The following IQUB variants were observed in gnomAD, a reference collection of about 807,000 sequenced individuals.
The protein encoded by IQUB is IQ motif and ubiquitin-like domain-containing protein.
IQUB carries 86 observed loss-of-function variants against 86.4 expected under a neutral mutation model. That is an observed-to-expected ratio of 1.00 (90% CI 0.84 to 1.19). The LOEUF (loss-of-function observed/expected upper bound fraction) is 1.19, where lower values mean the gene tolerates loss of function less well. Ranked by LOEUF, IQUB falls within the 50% of genes most tolerant of loss-of-function variation. IQUB has a pLI of 0.00. For missense variants in IQUB, 946 were observed against 916.9 expected, an observed-to-expected ratio of 1.03 and a Z score of -0.41; for synonymous variants, 289 against 304.5, an observed-to-expected ratio of 0.95 and a Z score of 0.53.
rs1386649495 is a variant in IQUB at position 123,479,933 on chromosome 7, A to C, written c.1272T>G (p.Ser424=). 1.9e-6 allele frequency: 3 copies of C among 1,612,858 alleles called. No homozygotes were observed. In the South Asian group the frequency reaches 3.3e-5, roughly 18 times the overall value. The change falls in exon 8 of 13, where the codon TCT becomes TCG. Residue 424 remains serine (S), a synonymous_variant. Coordinates refer to ENST00000324698, the MANE Select transcript of IQUB (RefSeq NM_178827.5). ...CAGCTTTCCTTTCAGCTCCAGTAAA[A>C]GATTGGTTAATACGTGTAAGTTCTT... ...RQEELTRINQ[S]FTGAERKAAL...
chr7:123,501,557 T>A (rs573207032), intron 6 of IQUB: 2 of 152,318 alleles, frequency 1.3e-5, no homozygotes, highest in East Asian at 1.9e-4. Context: ...CTGTCTGAAA[T>A]TAGATCAGTA....
chr7:123,500,193 C>T lies in IQUB; in HGVS notation c.1023+2404G>A, dbSNP rs545828295. 1.1e-4 allele frequency among the ~76,000 whole-genome samples: 16 copies of T among 152,288 alleles called. No homozygotes were observed. In the South Asian group the frequency reaches 3.3e-3, roughly 32 times the overall value. ...TCTGTGGAGTAGCCATTCTTTTGTT[C>T]CTTTACTTTCTTAATAAACTTGCTT... On this transcript the variant is annotated intron_variant, in intron 6 of 12. Coordinates refer to ENST00000324698, the MANE Select transcript of IQUB (RefSeq NM_178827.5).
At chr7:123,457,282 G>A in intron 12 of IQUB, 99 bp downstream of exon 12, 1 of 1,469,984 alleles carries the variant, frequency 6.8e-7, no homozygotes, top group East Asian at 2.5e-5. Flanking sequence ...TTAATCTGAT[G>A]GAAGTATTTA....
chr7:123,469,454 A>G lies in IQUB; in HGVS notation c.1411-70T>C, dbSNP rs182319328. On this transcript the variant is annotated intron_variant, in intron 8 of 12. Coordinates refer to ENST00000324698, the MANE Select transcript of IQUB (RefSeq NM_178827.5). ...TACGTATAACAATTTTGCTCCTTCT[A>G]CTAAAAGTCTACCTTAATATCATGT... is the stretch of plus-strand genomic sequence containing the variant. 742 of 824,322 alleles carry G rather than the reference A, an allele frequency of 9.0e-4. 4 individuals are homozygous for G. Among genetic ancestry groups the G allele is most frequent in the Middle Eastern group, 2.3e-3 (6 of 2,586 alleles). The allele number at this position is 824,322 out of a possible 1,614,324, so 51.1% of individuals were successfully genotyped here.
At chr7:123,495,787 C>T (rs528600984) in intron 7 of IQUB, among the ~76,000 whole-genome samples, 1 of 152,212 alleles carries the variant, frequency 6.6e-6, no homozygotes, top group South Asian at 2.1e-4. Flanking sequence ...TTCATTCATT[C>T]ATTCATTCAT....
In IQUB at chr7:123,518,406, C is replaced by T. The variant is rs565058620; in HGVS notation, c.-4-6062G>A. Among the ~76,000 whole-genome samples the T allele has an allele frequency of 3.9e-5, 6 of 152,222 alleles. No individual in the cohort carries two copies. In the East Asian group the frequency reaches 1.2e-3, roughly 29 times the overall value. Reference sequence around the variant, plus strand: ...TCATGCCATGCCCCTCTCATACTTGCTTAAATACCTCTAAAATAAAATGCT... The same window carrying T: ...TCATGCCATGCCCCTCTCATACTTGTTTAAATACCTCTAAAATAAAATGCT... On this transcript the variant is annotated intron_variant, in intron 1 of 12. Transcript: ENST00000324698.
Position 123,512,287 on chromosome 7 carries a change from T to C in IQUB, c.54A>G (p.Glu18=). 1 of 1,608,676 alleles carries C rather than the reference T, an allele frequency of 6.2e-7. No individual in the cohort carries two copies. Among genetic ancestry groups the C allele is most frequent in the Non-Finnish European group, 8.5e-7 (1 of 1,175,580 alleles). ...CAGTATCAAAAGCATCATCACTCTC[T>C]TCTGTTGAATTGACTATATTCTGAG... The part of the protein sequence containing the change: ...YEAQNIVNST[E]ESDDAFDTVT... Residue 18 remains glutamate (E), a synonymous_variant, in exon 2 of 13, where the codon GAA becomes GAG. Transcript: ENST00000324698.
chr7:123,469,737 T>G (rs566283492), intron 8 of IQUB, among the ~76,000 whole-genome samples: 1 of 152,322 alleles, frequency 6.6e-6, no homozygotes, highest in African/African-American at 2.4e-5. Context: ...TATATAAATA[T>G]GTCTTGATCC....
rs182376348 is a variant in IQUB at position 123,473,982 on chromosome 7, T to A, written c.1411-4598A>T. On this transcript the variant is annotated intron_variant, in intron 8 of 12. Transcript: ENST00000324698. Reference sequence around the variant, plus strand: ...AAAAATCTTTAGAGTTAGCCTTTTATTAAGAATGAGGACTTAGTATAGAGC... The same window carrying A: ...AAAAATCTTTAGAGTTAGCCTTTTAATAAGAATGAGGACTTAGTATAGAGC... 2.6e-5 allele frequency among the ~76,000 whole-genome samples: 4 copies of A among 152,322 alleles called. No homozygotes were observed. The East Asian group carries it at 7.7e-4, about 29-fold the overall frequency.
intron 1 of IQUB, among the ~76,000 whole-genome samples, chr7:123,527,395 T>G (rs1584662321): frequency 1.3e-5 from 2 of 152,346 alleles, no homozygotes; most frequent in Non-Finnish European, 2.9e-5. Context: ...GGCACTCTGC[T>G]TTTTAGAGTT....
At chr7:123,460,748 C>G (rs1793939313) in intron 11 of IQUB, among the ~76,000 whole-genome samples, 1 of 151,818 alleles carries the variant, frequency 6.6e-6, no homozygotes, top group Non-Finnish European at 1.5e-5. Flanking sequence ...CATGGAATAA[C>G]CAAAGAGACC....
At chr7:123,488,353 A>AC (rs1324120049) in intron 7 of IQUB, among the ~76,000 whole-genome samples, 1 of 151,016 alleles carries the variant, frequency 6.6e-6, no homozygotes, top group Non-Finnish European at 1.5e-5. Context: ...AAAAAAGAAA[A>AC]AAAAAAAAAA....
chr7:123,458,582 GTT>G (rs964666509), intron 11 of IQUB, among the ~76,000 whole-genome samples: 3 of 151,886 alleles, frequency 2.0e-5, no homozygotes, highest in African/African-American at 7.3e-5. Context: ...AAAATTCAAT[GTT>G]TTATATATTT....
intron 3 of IQUB, among the ~76,000 whole-genome samples, chr7:123,508,105 G>T (rs1276752745): frequency 6.6e-6 from 1 of 152,156 alleles, no homozygotes; most frequent in Non-Finnish European, 1.5e-5. Flanking sequence ...AGGAAGATTT[G>T]ATGACAGAGG....
At position 123,519,602 on chromosome 7, in the gene IQUB, C is replaced by T. The variant is rs187325621; in HGVS notation, c.-4-7258G>A. Among the ~76,000 whole-genome samples, 46 of 152,168 alleles carry T rather than the reference C, an allele frequency of 3.0e-4. No individual in the cohort carries two copies. In the East Asian group the frequency reaches 7.5e-3, roughly 25 times the overall value. On this transcript the variant is annotated intron_variant, in intron 1 of 12. Transcript: ENST00000324698. ...AAAAGTAGGAGCTTAAAAAGTTGAT[C>T]TCACAAGGATAGAGAGTAGAATGAT...
intron 1 of IQUB, among the ~76,000 whole-genome samples, chr7:123,528,390 C>T (rs891459595): frequency 1.3e-5 from 2 of 152,150 alleles, no homozygotes; most frequent in East Asian, 3.8e-4. Context: ...ATACTTATAC[C>T]AAATTATTTA....
At chr7:123,453,319 CA>C (rs1194183475) in intron 12 of IQUB, among the ~76,000 whole-genome samples, 3 of 140,786 alleles carry the variant, frequency 2.1e-5, no homozygotes, top group South Asian at 4.4e-4. Context: ...TGAGAAAAAA[CA>C]AAAATAAAAA....
intron 8 of IQUB, among the ~76,000 whole-genome samples, chr7:123,478,438 G>A (rs1387653815): frequency 1.3e-5 from 2 of 152,010 alleles, no homozygotes; most frequent in African/African-American, 2.4e-5. Flanking sequence ...GGGAAGCAGG[G>A]GAGGGATAGC....
At chr7:123,457,034 C>T (rs564594825) in intron 12 of IQUB, 225 of 291,092 alleles carry the variant, frequency 7.7e-4, no homozygotes, top group Middle Eastern at 1.8e-3. Flanking sequence ...TACTTATAAA[C>T]TCCATTCTGT....
Sources: gnomAD v4.1 joint callset for allele counts (sites outside exome capture counted in the v4.1 genomes callset) on GRCh38, gnomAD v4.1.1 for gene constraint, MANE v1.5 for transcripts, NCBI Gene and HGNC (gene_info 2026-07-23, HGNC 2026-07-21) for gene names.